The following PYGM variants were observed in gnomAD, a reference collection of about 807,000 sequenced individuals.
PYGM encodes glycogen phosphorylase, muscle form.
PYGM carries 81 observed loss-of-function variants against 99.3 expected under a neutral mutation model. That is an observed-to-expected ratio of 0.82 (90% CI 0.68 to 0.98). The LOEUF (loss-of-function observed/expected upper bound fraction) is 0.98, where lower values mean the gene tolerates loss of function less well. Ranked by LOEUF, PYGM falls within the 50% of genes least tolerant of loss-of-function variation. The pLI, the probability that PYGM is intolerant of heterozygous loss-of-function variation, is 0.00. For synonymous variants in PYGM, 436 were observed against 451.5 expected, an observed-to-expected ratio of 0.97 and a Z score of 0.44; for missense variants, 1,030 against 1,158.1, an observed-to-expected ratio of 0.89 and a Z score of 1.61.
chr11:64,753,066 C>G lies in PYGM; in HGVS notation c.1518+7G>C, dbSNP rs749236693. The G allele has an allele frequency of 6.2e-7, 1 of 1,600,438 alleles. No individual in the cohort carries two copies. The highest frequency in any genetic ancestry group is 8.6e-7 in the Non-Finnish European group (1 of 1,167,634). On this transcript the variant is annotated splice_region_variant and intron_variant, in intron 12 of 19. Coordinates refer to ENST00000164139, the MANE Select transcript of PYGM (RefSeq NM_005609.4). ...TTGACTCTACTGGCCCTACGGTGGC[C>G]TCTCACCTCAGCAATGACCTCTGCC...
chr11:64,751,392 G>C lies in PYGM; in HGVS notation c.1902C>G (p.Asp634Glu), dbSNP rs776043985. The change falls in exon 16 of 20, where the codon GAC (aspartate) becomes GAG (glutamate). Residue 634 changes from aspartate to glutamate, a missense_variant. Asp to Glu is a conservative substitution (Grantham distance 45). Coordinates refer to ENST00000164139, the MANE Select transcript of PYGM (RefSeq NM_005609.4). ...CACGGAGGCGGTCACCCACTGCCGG[G>C]TCATGGTTGACCACATCCCCGATGG... Reference protein sequence around the residue: ...VTAIGDVVNHDPAVGDRLRVI... With the variant: ...VTAIGDVVNHEPAVGDRLRVI... 3.7e-6 allele frequency: 6 copies of C among 1,614,160 alleles called. No homozygotes were observed. The highest frequency in any genetic ancestry group is 5.1e-6 in the Non-Finnish European group (6 of 1,180,032).
rs760557370 is a variant in PYGM, at chr11:64,747,253, G to A, written c.2283C>T (p.Asp761=). The A allele has an allele frequency of 1.9e-6, 3 of 1,614,140 alleles. No homozygotes were observed. The South Asian group carries it at 3.3e-5, about 18-fold the overall frequency. The change falls in exon 18 of 20, where the codon GAC becomes GAT. Residue 761 remains aspartate, a synonymous_variant. Transcript: ENST00000164139. ...CATGGTGCATGAGCATATTGACAAT[G>A]TCCTTGAACAGGTCGGGCTGTTTGG... ...FSPKQPDLFK[D]IVNMLMHHDR...
chr11:64,752,124 C>G (rs1565534368), intron 13 of PYGM, 53 bp from the exon 14 acceptor site: 1 of 1,612,540 alleles, frequency 6.2e-7, no homozygotes, highest in Admixed American at 1.7e-5. Context: ...CTCAGGAAAT[C>G]CTACAGTCCA....
chr11:64,760,654 G>A (rs911277936), upstream of PYGM, among the ~76,000 whole-genome samples: 5 of 152,234 alleles, frequency 3.3e-5, no homozygotes, highest in Admixed American at 6.5e-5. Flanking sequence ...ATAGGCCCTC[G>A]GCGGTGGGAG....
chr11:64,749,853 C>T (rs1352506615), intron 17 of PYGM, among the ~76,000 whole-genome samples: 1 of 144,120 alleles, frequency 6.9e-6, no homozygotes, highest in Non-Finnish European at 1.5e-5. Flanking sequence ...AGCGCAGTGG[C>T]GCGATCTCGG....
intron 5 of PYGM, among the ~76,000 whole-genome samples, chr11:64,756,520 G>T (rs919301485): frequency 6.6e-6 from 1 of 151,946 alleles, no homozygotes; most frequent in Non-Finnish European, 1.5e-5. Context: ...GCACTATCTT[G>T]GCTCACTGTA....
Position 64,754,945 on chromosome 11 carries a change from G to C in PYGM, c.856-109C>G. 6.8e-7 allele frequency: 1 copy of C among 1,473,760 alleles called. No individual in the cohort carries two copies. The highest frequency in any genetic ancestry group is 9.2e-7 in the Non-Finnish European group (1 of 1,092,684). 91.3% of individuals were successfully genotyped at this position (1,473,760 alleles called of 1,614,324 possible). On this transcript the variant is annotated intron_variant, in intron 7 of 19. Coordinates refer to ENST00000164139, the MANE Select transcript of PYGM (RefSeq NM_005609.4). This position sits in a 1 kb window ranked among gnomAD's most constrained non-coding sequence, Gnocchi z 5.5. ...ACCCATACCGGGACCCCTGAGCCCT[G>C]AGCCGGCCCCCTCTCTGGGACCCAG...
chr11:64,758,237 G>A lies in PYGM; in HGVS notation c.528+9C>T, dbSNP rs371349986. The stretch of plus-strand genomic sequence containing the variant: ...CTAGACCCCACAAGTTAGAGCCAAG[G>A]CTGCTCACCTGCCAGCCCCCGGAGA... On this transcript the variant is annotated intron_variant, in intron 4 of 19. Coordinates refer to ENST00000164139, the MANE Select transcript of PYGM (RefSeq NM_005609.4). The A allele has an allele frequency of 3.9e-5, 62 of 1,603,526 alleles. No homozygotes were observed. The African/African-American group carries it at 8.2e-4, about 21-fold the overall frequency.
In PYGM at chr11:64,754,441, C is replaced by A. The variant is rs971219363; in HGVS notation, c.1000-96G>T. On this transcript the variant is annotated intron_variant, in intron 8 of 19. Transcript: ENST00000164139. The surrounding 1 kb of genome is among the most constrained non-coding windows in gnomAD (Gnocchi z 5.5). The stretch of plus-strand genomic sequence containing the variant: ...TTGGAGGCCCCCAGAGAGCCCAGCA[C>A]GGTTCTGTGACTGGGCTGTGGGCAG... 1.1e-6 allele frequency: 1 copy of A among 941,880 alleles called. No individual in the cohort carries two copies. The highest frequency in any genetic ancestry group is 1.3e-5 in the South Asian group (1 of 74,678). 58.3% of individuals were successfully genotyped at this position (941,880 alleles called of 1,614,324 possible).
chr11:64,746,530 G>T lies in PYGM; in HGVS notation c.*129C>A. 1.5e-6 allele frequency: 2 copies of T among 1,305,806 alleles called. No homozygotes were observed. The highest frequency in any genetic ancestry group is 2.2e-6 in the Non-Finnish European group (2 of 922,250). The allele number at this position is 1,305,806 out of a possible 1,614,324, so 80.9% of individuals were successfully genotyped here. A position where few individuals can be genotyped will look rare whatever the true frequency, so the allele number is the denominator to read the frequency against. On this transcript the variant is annotated 3_prime_UTR_variant, in exon 20 of 20. Coordinates refer to ENST00000164139, the MANE Select transcript of PYGM (RefSeq NM_005609.4). ...GCTGGACACTGGGACATTGAGAGTG[G>T]GGAAAATGAGGGTTCCAGGAGGGGC... is the stretch of plus-strand genomic sequence containing the variant.
chr11:64,754,171 C>A lies in PYGM; in HGVS notation c.1092+82G>T. 3 of 1,577,662 alleles carry A rather than the reference C, an allele frequency of 1.9e-6. No homozygotes were observed. The highest frequency in any genetic ancestry group is 2.6e-6 in the Non-Finnish European group (3 of 1,147,652). On this transcript the variant is annotated intron_variant, in intron 9 of 19. Coordinates refer to ENST00000164139, the MANE Select transcript of PYGM (RefSeq NM_005609.4). The surrounding 1 kb of genome is among the most constrained non-coding windows in gnomAD (Gnocchi z 5.5). The stretch of plus-strand genomic sequence containing the variant: ...CAGGCTCTGATCCCTTCACTCCATT[C>A]ATATCCTCCCACGCTCCCAAACTGG...
At chr11:64,757,444 TGG>T in intron 5 of PYGM, among the ~76,000 whole-genome samples, 1 of 152,340 alleles carries the variant, frequency 6.6e-6, no homozygotes, top group South Asian at 2.1e-4. Context: ...TCCCCCTTTC[TGG>T]GCTGCTGCTG....
In PYGM at chr11:64,746,676, G is replaced by A. The variant is rs775376390; in HGVS notation, c.2512C>T (p.Pro838Ser). The change falls in exon 20 of 20, where the codon CCG (proline) becomes TCG (serine). Residue 838 changes from proline (P) to serine (S), a missense_variant. Transcript: ENST00000164139. ...VEPSRQRLPAPDEAI is the reference protein window; with the variant it reads ...VEPSRQRLPASDEAI ...CTGGAGGCTCAGATGGCCTCATCCG[G>A]GGCTGGCAGGCGCTGGCGGGAAGGC... 6.2e-7 allele frequency: 1 copy of A among 1,614,054 alleles called. No homozygotes were observed. The highest frequency in any genetic ancestry group is 1.7e-5 in the Admixed American group (1 of 60,004).
In PYGM at chr11:64,753,832, G is replaced by A. The variant is rs371589785; in HGVS notation, c.1239+47C>T. 1.9e-6 allele frequency: 3 copies of A among 1,549,670 alleles called. No homozygotes were observed. The African/African-American group carries it at 4.1e-5, about 21-fold the overall frequency. On this transcript the variant is annotated intron_variant, in intron 10 of 19. Coordinates refer to ENST00000164139, the MANE Select transcript of PYGM (RefSeq NM_005609.4). ...CGCCCCGACTCCCAGGCCCAGACTGGGTGTCCCCCCTCACCCCCACACCAT... is the reference window on the plus strand; with the variant it reads ...CGCCCCGACTCCCAGGCCCAGACTGAGTGTCCCCCCTCACCCCCACACCAT...
chr11:64,747,277 G>T lies in PYGM; in HGVS notation c.2259C>A (p.Pro753=), dbSNP rs747072799. 38 of 1,614,156 alleles carry T rather than the reference G, an allele frequency of 2.4e-5. No homozygotes were observed. Among genetic ancestry groups the T allele is most frequent in the Non-Finnish European group, 3.2e-5 (38 of 1,179,972 alleles). ...TGTCCTTGAACAGGTCGGGCTGTTT[G>T]GGGGAGAAGAAGCCACTGCTCAGCT... ...IEQLSSGFFS[P]KQPDLFKDIV... Residue 753 remains proline, a synonymous_variant, in exon 18 of 20, where the codon CCC becomes CCA. Transcript: ENST00000164139.
In PYGM at chr11:64,752,416, GC is replaced by G. The variant is rs761564107; in HGVS notation, c.1606del (p.Ala536ProfsTer3). The G allele has an allele frequency of 6.2e-7, 1 of 1,613,938 alleles. No homozygotes were observed. Among genetic ancestry groups the G allele is most frequent in the African/African-American group, 1.3e-5 (1 of 74,924 alleles). ...VDDEAFIRDV[A>X]KVKQENKLKF... Reference sequence around the variant, plus strand: ...ATCTCTCCCCACCTGCTTCACTTTGGCCACATCCCGAATGAAAGCTTCATCA... The same window carrying G: ...ATCTCTCCCCACCTGCTTCACTTTGGCACATCCCGAATGAAAGCTTCATCA... On this transcript the variant is annotated frameshift_variant, in exon 13 of 20. Transcript: ENST00000164139. LOFTEE classifies it high-confidence loss of function.
At position 64,750,405 on chromosome 11, in the gene PYGM, C is replaced by T; in HGVS notation, c.2148G>A (p.Val716=). 1.2e-6 allele frequency: 2 copies of T among 1,614,150 alleles called. No homozygotes were observed. Among genetic ancestry groups the T allele is most frequent in the Admixed American group, 1.7e-5 (1 of 60,020 alleles). The change falls in exon 17 of 20, where the codon GTG becomes GTA. Residue 716 remains valine, a synonymous_variant. Transcript: ENST00000164139. ...EENFFIFGMR[V]EDVDKLDQRG... ...TTTGGTCAAGCTTATCCACATCCTCCACCCGCATGCCAAAGATGAAGAAGT... is the reference window on the plus strand; with the variant it reads ...TTTGGTCAAGCTTATCCACATCCTCTACCCGCATGCCAAAGATGAAGAAGT...
Position 64,753,169 on chromosome 11 carries a change from C to T in PYGM, c.1422G>A (p.Glu474=). 6.2e-7 allele frequency: 1 copy of T among 1,612,614 alleles called. No individual in the cohort carries two copies. ...TATTCTGGAACTTATGAGGCTCCAGCTCATAGAAGTCTTTGAAGCTGCAGG... is the reference window on the plus strand; with the variant it reads ...TATTCTGGAACTTATGAGGCTCCAGTTCATAGAAGTCTTTGAAGCTGCAGG... The part of the protein sequence containing the change: ...LKKTIFKDFY[E]LEPHKFQNKT... Residue 474 remains glutamate, a synonymous_variant, in exon 12 of 20, where the codon GAG becomes GAA. Coordinates refer to ENST00000164139, the MANE Select transcript of PYGM (RefSeq NM_005609.4).
chr11:64,747,479 G>T, intron 17 of PYGM, 121 bp from the exon 18 acceptor site: 1 of 1,364,304 alleles, frequency 7.3e-7, no homozygotes, highest in Non-Finnish European at 1.0e-6. Flanking sequence ...TGCTCCCCAG[G>T]GCTGCCACAT....
Sources: gnomAD v4.1 joint callset for allele counts (sites outside exome capture counted in the v4.1 genomes callset) on GRCh38, gnomAD v4.1.1 for gene constraint, Gnocchi (gnomAD v3.1) non-coding constraint, MANE v1.5 for transcripts, NCBI Gene and HGNC (gene_info 2026-07-23, HGNC 2026-07-21) for gene names.